Variants in UBE2U observed in about 807,000 individuals in gnomAD.
UBE2U encodes ubiquitin conjugating enzyme E2 U, also known as ubiquitin-conjugating enzyme E2 U.
In UBE2U, 39 loss-of-function variants were observed where a neutral mutation model predicts 41.2. The observed-to-expected ratio is 0.95, with a 90% CI of 0.73 to 1.24. The LOEUF (loss-of-function observed/expected upper bound fraction) is 1.24. Among genes scored for constraint, UBE2U ranks in the 50% most tolerant of loss-of-function variants. The probability of loss-of-function intolerance (pLI) is 0.00; values close to 1 mark genes in which losing one functional copy is unlikely to be tolerated. For synonymous variants in UBE2U, 107 were observed against 117.8 expected (o/e 0.91, Z 0.60); for missense variants, 336 against 363.1 (o/e 0.93, Z 0.61).
rs1651141781 is a variant in UBE2U, at chr1:64,204,117, G to A, written c.66+1G>A. The stretch of plus-strand genomic sequence containing the variant: ...TGATCTCAAGGAGAACAATTATAAG[G>A]TAAGTACTGGGCACGTGGAGAGATG... On this transcript the variant is annotated splice_donor_variant, in intron 1 of 9. Transcript: ENST00000371077. LOFTEE classifies it high-confidence loss of function. The A allele has an allele frequency of 2.5e-6, 4 of 1,612,808 alleles. No individual in the cohort carries two copies.
chr1:64,238,252 A>G (rs1644705988), intron 7 of UBE2U, among the ~76,000 whole-genome samples: 2 of 152,144 alleles, frequency 1.3e-5, no homozygotes, highest in Admixed American at 1.3e-4. Flanking sequence ...TAAAAATACA[A>G]AAATTAGCCC....
At chr1:64,223,527 C>A (rs1652637271) in intron 6 of UBE2U, among the ~76,000 whole-genome samples, 1 of 152,158 alleles carries the variant, frequency 6.6e-6, no homozygotes, top group Non-Finnish European at 1.5e-5. Flanking sequence ...AGGCTTCCTT[C>A]AGAGGCCTTC....
intron 8 of UBE2U, among the ~76,000 whole-genome samples, chr1:64,247,255 A>G (rs1187628355): frequency 6.6e-6 from 1 of 152,174 alleles, no homozygotes; most frequent in Non-Finnish European, 1.5e-5. Flanking sequence ...AAAAGTTACC[A>G]TGGATTTCTG....
chr1:64,214,722 A>G, intron 4 of UBE2U, 93 bp from the exon 5 acceptor site: 1 of 879,846 alleles, frequency 1.1e-6, no homozygotes, highest in Non-Finnish European at 1.9e-6. Flanking sequence ...AGCATTTAAT[A>G]CATGCTTATT....
At chr1:64,246,626 GA>G (rs1192315021) in intron 8 of UBE2U, among the ~76,000 whole-genome samples, 1 of 152,012 alleles carries the variant, frequency 6.6e-6, no homozygotes, top group Non-Finnish European at 1.5e-5. Flanking sequence ...AATCCTTTAG[GA>G]AAAAATGACT....
intron 5 of UBE2U, among the ~76,000 whole-genome samples, chr1:64,216,294 T>C (rs1652007726): frequency 1.3e-5 from 2 of 152,348 alleles, no homozygotes; most frequent in African/African-American, 4.8e-5. Flanking sequence ...GTATGTGTTA[T>C]ATACTCATTT....
At chr1:64,250,235 G>T (rs1644984687) in intron 8 of UBE2U, among the ~76,000 whole-genome samples, 1 of 152,114 alleles carries the variant, frequency 6.6e-6, no homozygotes, top group South Asian at 2.1e-4. Context: ...CAACCACATA[G>T]TTGAAATGAA....
intron 2 of UBE2U, among the ~76,000 whole-genome samples, chr1:64,206,034 C>T (rs539165987): frequency 3.6e-4 from 55 of 152,172 alleles, no homozygotes; most frequent in African/African-American, 1.3e-3. Flanking sequence ...GTCTGCCTTC[C>T]GTGAGATCAG....
intron 8 of UBE2U, among the ~76,000 whole-genome samples, chr1:64,243,208 G>T (rs953047216): frequency 1.3e-5 from 2 of 152,152 alleles, no homozygotes; most frequent in Non-Finnish European, 2.9e-5. Flanking sequence ...TTTAGATCAA[G>T]TGATATTTGC....
intron 8 of UBE2U, among the ~76,000 whole-genome samples, chr1:64,253,059 G>T (rs1645036561): frequency 6.6e-6 from 1 of 152,010 alleles, no homozygotes; most frequent in Non-Finnish European, 1.5e-5. Context: ...CCAGTTTAGA[G>T]AGGAACATAA....
intron 3 of UBE2U, among the ~76,000 whole-genome samples, chr1:64,209,837 A>T (rs766222175): frequency 2.0e-5 from 3 of 152,058 alleles, no homozygotes; most frequent in Non-Finnish European, 4.4e-5. Flanking sequence ...TTTGAAGAAA[A>T]TTTTTTTGCC....
At chr1:64,261,405 T>C (rs1295781493) in intron 9 of UBE2U, among the ~76,000 whole-genome samples, 1 of 152,220 alleles carries the variant, frequency 6.6e-6, no homozygotes, top group Non-Finnish European at 1.5e-5. Flanking sequence ...GTATAGACAA[T>C]TTCTTTGTGA....
intron 9 of UBE2U, 144 bp from the exon 10 acceptor site, chr1:64,266,880 T>C: frequency 2.9e-6 from 2 of 689,542 alleles, no homozygotes; most frequent in Non-Finnish European, 4.7e-6. Context: ...TTACAAAACA[T>C]GAAGTTTAGA....
intron 9 of UBE2U, among the ~76,000 whole-genome samples, chr1:64,262,541 T>C (rs1007024641): frequency 2.9e-4 from 44 of 152,190 alleles, no homozygotes; most frequent in African/African-American, 1.0e-3. Flanking sequence ...CCCTGGCTTC[T>C]GGCTGGGTAT....
intron 8 of UBE2U, among the ~76,000 whole-genome samples, chr1:64,250,313 G>A (rs844071): frequency 0.72 from 110,214 of 152,092 alleles, 41,241 homozygotes; most frequent in African/African-American, 0.93. Flanking sequence ...GAGTAATCCT[G>A]TATCTAATAA....
chr1:64,222,100 A>AAC lies in UBE2U; in HGVS notation c.506+1194_506+1195insCA, dbSNP rs1652525198. On this transcript the variant is annotated intron_variant, in intron 6 of 9. Coordinates refer to ENST00000371077, the MANE Select transcript of UBE2U (RefSeq NM_001366232.2). The stretch of plus-strand genomic sequence containing the variant: ...GAGAGAGACTCCATCTCAAAAAAAA[A>AAC]AAAAAAAAACACAAAAACTTAAGTG... 4.0e-5 allele frequency among the ~76,000 whole-genome samples: 6 copies of AAC among 151,634 alleles called. No individual in the cohort carries two copies. The South Asian group carries it at 1.0e-3, about 26-fold the overall frequency.
chr1:64,266,551 G>A (rs1456828349), intron 9 of UBE2U, among the ~76,000 whole-genome samples: 1 of 152,192 alleles, frequency 6.6e-6, no homozygotes, highest in Non-Finnish European at 1.5e-5. Context: ...GGAAGCGCGG[G>A]AGAATCCATT....
intron 1 of UBE2U, among the ~76,000 whole-genome samples, chr1:64,205,255 T>C (rs1651221078): frequency 6.6e-6 from 1 of 152,216 alleles, no homozygotes; most frequent in African/African-American, 2.4e-5. Context: ...GCCTTTCATA[T>C]AGCATTCATA....
At chr1:64,236,022 G>A (rs576285252) in intron 7 of UBE2U, among the ~76,000 whole-genome samples, 1 of 152,242 alleles carries the variant, frequency 6.6e-6, no homozygotes, top group Non-Finnish European at 1.5e-5. Flanking sequence ...TGTTGGTAAA[G>A]AATGTACATC....
Sources: gnomAD v4.1 joint callset for allele counts (sites outside exome capture counted in the v4.1 genomes callset) on GRCh38, gnomAD v4.1.1 for gene constraint, MANE v1.5 for transcripts, NCBI Gene and HGNC (gene_info 2026-07-23, HGNC 2026-07-21) for gene names.